Variants in AKR1C3 observed in about 807,000 individuals in gnomAD.
The protein encoded by AKR1C3 is 3-alpha hydroxysteroid dehydrogenase, type II.
Under a neutral mutation model 43.6 loss-of-function variants are expected in AKR1C3, and 48 were observed. The observed-to-expected ratio is 1.10, with a 90% CI of 0.87 to 1.40. The LOEUF is 1.40. Ranked by LOEUF, AKR1C3 falls within the 40% of genes most tolerant of loss-of-function variation. The pLI, the probability that AKR1C3 is intolerant of heterozygous loss-of-function variation, is 0.00. For missense variants in AKR1C3, 482 were observed against 391.2 expected, an observed-to-expected ratio of 1.23 and a Z score of -1.96; for synonymous variants, 162 against 139.6, an observed-to-expected ratio of 1.16 and a Z score of -1.13.
rs536311651 is a variant in AKR1C3 at position 5,087,954 on chromosome 10, G to T, written c.85-8456G>T. On this transcript the variant is annotated intron_variant, in intron 1 of 8. Coordinates refer to the AKR1C3 transcript ENST00000439082. ...GAGGTCTTTCTATCTTTTCAGGGAG[G>T]GTTTAACACTATAAATTTATCTCTT... Among the ~76,000 whole-genome samples the T allele has an allele frequency of 5.3e-5, 8 of 151,818 alleles. No individual in the cohort carries two copies. The East Asian group carries it at 1.6e-3, about 30-fold the overall frequency.
intron 1 of AKR1C3, among the ~76,000 whole-genome samples, chr10:5,065,650 G>T (rs1564356942): frequency 6.6e-6 from 1 of 152,222 alleles, no homozygotes; most frequent in Non-Finnish European, 1.5e-5. Flanking sequence ...ATTTGTGGGA[G>T]TTTAAATACA....
intron 1 of AKR1C3, among the ~76,000 whole-genome samples, chr10:5,084,348 G>T (rs1313787784): frequency 1.4e-3 from 206 of 151,458 alleles, no homozygotes; most frequent in Non-Finnish European, 2.6e-3. Flanking sequence ...TTTCCCCATT[G>T]CTTGTTTTTC....
intron 1 of AKR1C3, among the ~76,000 whole-genome samples, chr10:5,062,458 C>T (rs1838400164): frequency 6.6e-6 from 1 of 152,152 alleles, no homozygotes; most frequent in African/African-American, 2.4e-5. Flanking sequence ...CTGAGCTTTT[C>T]CCTCCAAACT....
chr10:5,086,238 T>G (rs4644565), intron 1 of AKR1C3, among the ~76,000 whole-genome samples: 5 of 151,416 alleles, frequency 3.3e-5, no homozygotes, highest in African/African-American at 1.2e-4. Context: ...CCTCTACACA[T>G]TGCTTTGAAT....
At chr10:5,053,132 G>C (rs180729285) in intron 1 of AKR1C3, among the ~76,000 whole-genome samples, 1 of 152,240 alleles carries the variant, frequency 6.6e-6, no homozygotes, top group Admixed American at 6.5e-5. Flanking sequence ...TGCCAGTCCC[G>C]TGCCATGCGC....
At chr10:5,099,545 T>A in intron 5 of AKR1C3, 96 bp downstream of exon 5, 1 of 1,577,562 alleles carries the variant, frequency 6.3e-7, no homozygotes. Flanking sequence ...GTTATCTTTG[T>A]GAAGTAGAAG....
Position 5,096,473 on chromosome 10 carries a change from G to A in AKR1C3, c.148G>A (p.Asp50Asn), listed in dbSNP as rs781842796. 7.4e-6 allele frequency: 12 copies of A among 1,613,738 alleles called. No individual in the cohort carries two copies. Among genetic ancestry groups the A allele is most frequent in the Non-Finnish European group, 1.0e-5 (12 of 1,179,792 alleles). ...AATAGAAGCTGGGTTCCGCCATATA[G>A]ATTCTGCTCATTTATACAATAATGA... ...LAIEAGFRHI[D>N]SAHLYNNEEQ... Residue 50 changes from aspartate (D) to asparagine (N), a missense_variant, in exon 2 of 9, where the codon GAT becomes AAT. Physicochemically the swap from Asp to Asn is conservative, Grantham distance 23 (BLOSUM62 1). Coordinates refer to ENST00000380554, the MANE Select transcript of AKR1C3 (RefSeq NM_003739.6).
intron 1 of AKR1C3, among the ~76,000 whole-genome samples, chr10:5,052,528 T>C (rs921320898): frequency 2.0e-5 from 3 of 152,180 alleles, no homozygotes; most frequent in African/African-American, 2.4e-5. Flanking sequence ...CTGATTGGTG[T>C]GTTTACAATC....
At chr10:5,078,585 A>T (rs1378235358) in intron 1 of AKR1C3, among the ~76,000 whole-genome samples, 1 of 152,248 alleles carries the variant, frequency 6.6e-6, no homozygotes, top group African/African-American at 2.4e-5. Context: ...GCAGGTCATC[A>T]GCAAAGTACA....
At chr10:5,072,875 G>A (rs1047576470) in intron 1 of AKR1C3, among the ~76,000 whole-genome samples, 1 of 152,196 alleles carries the variant, frequency 6.6e-6, no homozygotes, top group African/African-American at 2.4e-5. Context: ...ATATAAAGGG[G>A]TGAGATTTCT....
At chr10:5,084,268 T>G (rs4881398) in intron 1 of AKR1C3, among the ~76,000 whole-genome samples, 151,080 of 151,676 alleles carry the variant, frequency 1, 75,246 homozygotes, top group East Asian at 1. Context: ...GTGTAAGGAA[T>G]GGATCCAGTT....
rs370403607 is a variant in AKR1C3, at chr10:5,102,091, T to C, written c.571-10T>C. 1,696 of 1,561,824 alleles carry C rather than the reference T, an allele frequency of 1.1e-3. 17 individuals carry two copies. The South Asian group carries it at 0.018, about 16-fold the overall frequency. On this transcript the variant is annotated splice_polypyrimidine_tract_variant and intron_variant, in intron 5 of 8. Transcript: ENST00000380554. Reference sequence around the variant, plus strand: ...ATAAATTGATGCTTCTCTCTTTTGGTCAACTGCAGGTAGAATGTCATCCGT... The same window carrying C: ...ATAAATTGATGCTTCTCTCTTTTGGCCAACTGCAGGTAGAATGTCATCCGT...
chr10:5,085,376 A>G lies in AKR1C3; in HGVS notation c.85-11034A>G, dbSNP rs1251429571. Among the ~76,000 whole-genome samples, 24 of 152,114 alleles carry G rather than the reference A, an allele frequency of 1.6e-4. No homozygotes were observed. In the South Asian group the frequency reaches 4.8e-3, roughly 30 times the overall value. On this transcript the variant is annotated intron_variant, in intron 1 of 8. Transcript: ENST00000439082. ...TGGTTCTGTTTATATGCTGGATTAC[A>G]TTTATTGATTTGCATATGTTGAACC...
In AKR1C3 at chr10:5,094,562, A is replaced by G. The variant is rs782467760; in HGVS notation, c.84+34A>G. On this transcript the variant is annotated intron_variant, in intron 1 of 8. Transcript: ENST00000380554. Reference sequence around the variant, plus strand: ...AATTCCTTTTAGTTTTCGGATTTCAAAAGAATAAACCTAGTAGAAGTGAAA... The same window carrying G: ...AATTCCTTTTAGTTTTCGGATTTCAGAAGAATAAACCTAGTAGAAGTGAAA... The G allele has an allele frequency of 3.1e-6, 5 of 1,608,914 alleles. No homozygotes were observed. In the Admixed American group the frequency reaches 6.7e-5, roughly 21 times the overall value.
In AKR1C3 at chr10:5,107,509, A is replaced by AG; in HGVS notation, c.*9dup. On this transcript the variant is annotated 3_prime_UTR_variant, in exon 9 of 9. Coordinates refer to ENST00000380554, the MANE Select transcript of AKR1C3 (RefSeq NM_003739.6). ...CATATTCAGATGAATATTAACATGG[A>AG]GGGCTTTGCCTGATGTCTACCAGAA... is the stretch of plus-strand genomic sequence containing the variant. 6.3e-7 allele frequency: 1 copy of AG among 1,588,584 alleles called. No individual in the cohort carries two copies. Among genetic ancestry groups the AG allele is most frequent in the East Asian group, 2.2e-5 (1 of 44,698 alleles).
At chr10:5,086,624 G>T (rs1242956778) in intron 1 of AKR1C3, among the ~76,000 whole-genome samples, 1 of 151,874 alleles carries the variant, frequency 6.6e-6, no homozygotes, top group Admixed American at 6.6e-5. Context: ...CAATTCCTGG[G>T]TATCCTTGTT....
chr10:5,094,533 G>T lies in AKR1C3; in HGVS notation c.84+5G>T. 1 of 1,612,386 alleles carries T rather than the reference G, an allele frequency of 6.2e-7. No homozygotes were observed. The highest frequency in any genetic ancestry group is 8.5e-7 in the Non-Finnish European group (1 of 1,178,686). On this transcript the variant is annotated splice_donor_5th_base_variant and intron_variant, in intron 1 of 8. Transcript: ENST00000380554. The stretch of plus-strand genomic sequence containing the variant: ...GGCACCTATGCACCTCCAGAGGTAA[G>T]AATAATTCCTTTTAGTTTTCGGATT...
At chr10:5,083,723 A>T (rs1324373899) in intron 1 of AKR1C3, among the ~76,000 whole-genome samples, 1 of 152,122 alleles carries the variant, frequency 6.6e-6, no homozygotes, top group Non-Finnish European at 1.5e-5. Flanking sequence ...ATTTCTCCAC[A>T]TCCTCTCCAG....
chr10:5,086,854 C>G (rs1313738578), intron 1 of AKR1C3, among the ~76,000 whole-genome samples: 2 of 152,108 alleles, frequency 1.3e-5, no homozygotes, highest in South Asian at 2.1e-4. Context: ...CTCTTTTGAT[C>G]TTTGTTGGTT....
Sources: gnomAD v4.1 joint callset for allele counts (sites outside exome capture counted in the v4.1 genomes callset) on GRCh38, gnomAD v4.1.1 for gene constraint, MANE v1.5 for transcripts, NCBI Gene and HGNC (gene_info 2026-07-23, HGNC 2026-07-21) for gene names.